Variants in GASK1A observed in about 807,000 individuals in gnomAD.
GASK1A encodes the protein golgi associated kinase 1A, also known as Golgi-associated kinase 1A.
A neutral mutation model predicts 41.2 loss-of-function variants in GASK1A; 40 were observed. The ratio of observed to expected loss-of-function variants is 0.97; its 90% CI spans 0.75 to 1.27. The LOEUF (loss-of-function observed/expected upper bound fraction) is 1.27, where lower values mean the gene tolerates loss of function less well. Among genes scored for constraint, GASK1A ranks in the 50% most tolerant of loss-of-function variants. The probability of loss-of-function intolerance (pLI) is 0.00; values close to 1 mark genes in which losing one functional copy is unlikely to be tolerated. For synonymous variants in GASK1A, 316 were observed against 307.1 expected, an observed-to-expected ratio of 1.03 and a Z score of -0.30; for missense variants, 678 against 745.1, an observed-to-expected ratio of 0.91 and a Z score of 1.05.
At chr3:42,979,680 GT>G in intron 1 of GASK1A, 35 bp downstream of exon 1, 1 of 1,245,950 alleles carries the variant, frequency 8.0e-7, no homozygotes, top group Non-Finnish European at 1.0e-6. Flanking sequence ...CGAGCGGAGG[GT>G]GGGGCGATCA....
Position 43,033,024 on chromosome 3 carries a change from G to C in GASK1A, c.761G>C (p.Gly254Ala). 1 of 1,551,766 alleles carries C rather than the reference G, an allele frequency of 6.4e-7. No homozygotes were observed. Among genetic ancestry groups the C allele is most frequent in the South Asian group, 1.2e-5 (1 of 84,070 alleles). The change falls in exon 2 of 5, where the codon GGT becomes GCT. Residue 254 changes from glycine to alanine, a missense_variant. By Grantham distance (60) the Gly-to-Ala change is moderately conservative (BLOSUM62 0). Transcript: ENST00000430121. ...AETLLSSSRTGGQAPPWLTDH... is the reference protein window; with the variant it reads ...AETLLSSSRTAGQAPPWLTDH... ...ACGCTGTTGAGCAGCTCGAGGACTG[G>C]TGGGCAGGCTCCCCCATGGCTGACA... is the stretch of plus-strand genomic sequence containing the variant.
chr3:43,041,554 C>T (rs1033771865), intron 2 of GASK1A, among the ~76,000 whole-genome samples: 2 of 152,148 alleles, frequency 1.3e-5, no homozygotes, highest in Non-Finnish European at 2.9e-5. Context: ...TCTTTTATTT[C>T]GTTACATGTT....
intron 2 of GASK1A, among the ~76,000 whole-genome samples, chr3:43,042,859 C>A (rs1346626157): frequency 6.6e-6 from 1 of 152,172 alleles, no homozygotes; most frequent in Non-Finnish European, 1.5e-5. Flanking sequence ...GCAGATGAAG[C>A]AGTCTAGGTG....
intron 1 of GASK1A, among the ~76,000 whole-genome samples, chr3:43,021,115 C>T (rs1010149630): frequency 4.6e-5 from 7 of 152,230 alleles, no homozygotes; most frequent in South Asian, 2.1e-4. Flanking sequence ...TCCCCTGCCC[C>T]GCACAGTTCC....
At chr3:42,990,147 G>GACTTTTGTCTATGTTGGGCAACATAA (rs552679525) in intron 1 of GASK1A, among the ~76,000 whole-genome samples, 359 of 152,036 alleles carry the variant, frequency 2.4e-3, no homozygotes, top group African/African-American at 8.3e-3. Context: ...GGGCAACATA[G>GACTTTTGTCTATGTTGGGCAACATAA]ACTTTTGTCT....
rs1230389080 is a variant in GASK1A at position 43,032,863 on chromosome 3, C to T, written c.600C>T (p.Gly200=). 4 of 1,549,558 alleles carry T rather than the reference C, an allele frequency of 2.6e-6. No homozygotes were observed. The highest frequency in any genetic ancestry group is 1.7e-4 in the Middle Eastern group (1 of 5,992). The change falls in exon 2 of 5, where the codon GGC becomes GGT. Residue 200 remains glycine, a synonymous_variant. Coordinates refer to ENST00000430121, the MANE Select transcript of GASK1A (RefSeq NM_001129908.3). ...CACTCTGGCCCCATACAGCAGAAGGCAGGGATCTGCTGGGAGCTGAGAACA... is the reference window on the plus strand; with the variant it reads ...CACTCTGGCCCCATACAGCAGAAGGTAGGGATCTGCTGGGAGCTGAGAACA... ...GLTLWPHTAE[G]RDLLGAENRA... is the part of the protein sequence containing the mutation.
At chr3:42,990,895 G>A (rs977542615) in intron 1 of GASK1A, among the ~76,000 whole-genome samples, 1 of 152,158 alleles carries the variant, frequency 6.6e-6, no homozygotes, top group African/African-American at 2.4e-5. Flanking sequence ...GTAAGGGGCC[G>A]GACCCAAACC....
intron 1 of GASK1A, among the ~76,000 whole-genome samples, chr3:43,021,933 C>T (rs1311827714): frequency 6.6e-6 from 1 of 152,170 alleles, no homozygotes; most frequent in Non-Finnish European, 1.5e-5. Flanking sequence ...AGGGGCTTGA[C>T]AAGGAAGGAG....
rs536119 is a variant in GASK1A, at chr3:43,053,609, A to G, written c.1379A>G (p.Gln460Arg). 904,684 of 1,551,294 alleles carry G rather than the reference A, an allele frequency of 0.58. 267,247 individuals carry two copies. Among genetic ancestry groups the G allele is most frequent in the Admixed American group, 0.69 (34,959 of 50,986 alleles). ...GAAGAGAGGCTCCGAGAGAAATGCCAGAACCCAGCCGAGCTGCGGCTGGTC... is the reference window on the plus strand; with the variant it reads ...GAAGAGAGGCTCCGAGAGAAATGCCGGAACCCAGCCGAGCTGCGGCTGGTC... Reference protein sequence around the residue: ...CVEERLREKCQNPAELRLVHI... With the variant: ...CVEERLREKCRNPAELRLVHI... Residue 460 changes from glutamine to arginine, a missense_variant, in exon 3 of 5, where the codon CAG (glutamine) becomes CGG (arginine). Physicochemically the swap from Gln to Arg is conservative, Grantham distance 43. Coordinates refer to ENST00000430121, the MANE Select transcript of GASK1A (RefSeq NM_001129908.3).
chr3:43,033,158 G>GGT lies in GASK1A; in HGVS notation c.895_896insGT (p.Ala299GlyfsTer22). 1 of 1,550,762 alleles carries GGT rather than the reference G, an allele frequency of 6.4e-7. No homozygotes were observed. The highest frequency in any genetic ancestry group is 8.7e-7 in the Non-Finnish European group (1 of 1,146,368). ...ACAGGTTGGCTTCTCCACTGAGGCTGCCCTTCAGGACCTGTCCTCTCCCAG... is the reference window on the plus strand; with the variant it reads ...ACAGGTTGGCTTCTCCACTGAGGCTGGTCCCTTCAGGACCTGTCCTCTCCCAG... On this transcript the variant is annotated frameshift_variant, in exon 2 of 5. Transcript: ENST00000430121. LOFTEE classifies it high-confidence loss of function.
At chr3:42,980,081 T>C (rs147100759) in intron 1 of GASK1A, among the ~76,000 whole-genome samples, 1,673 of 152,342 alleles carry the variant, frequency 0.011, 12 homozygotes, top group Non-Finnish European at 0.018. Flanking sequence ...TGTATTGATA[T>C]TAAAAATAAT....
chr3:43,007,211 A>C (rs1559399496), intron 1 of GASK1A, among the ~76,000 whole-genome samples: 1 of 152,232 alleles, frequency 6.6e-6, no homozygotes, highest in Non-Finnish European at 1.5e-5. Context: ...TCTGAATTCC[A>C]TACCACTAAG....
intron 1 of GASK1A, among the ~76,000 whole-genome samples, chr3:43,019,788 A>ACC (rs923683476): frequency 1.8e-4 from 26 of 147,932 alleles, no homozygotes; most frequent in Non-Finnish European, 3.0e-4. Flanking sequence ...ACACACACAC[A>ACC]CCCCATCACA....
intron 1 of GASK1A, among the ~76,000 whole-genome samples, 165 bp from the exon 2 acceptor site, chr3:43,032,102 G>A (rs1299460962): frequency 1.3e-5 from 2 of 152,216 alleles, no homozygotes; most frequent in Non-Finnish European, 2.9e-5. Flanking sequence ...GGCTGGAGTT[G>A]ACATTTCCTT....
intron 1 of GASK1A, among the ~76,000 whole-genome samples, chr3:43,031,526 TG>T (rs916105790): frequency 7.9e-5 from 12 of 152,204 alleles, no homozygotes; most frequent in African/African-American, 2.9e-4. Flanking sequence ...TTGACTGAAG[TG>T]TGCATAGAAT....
Position 42,979,611 on chromosome 3 carries a change from G to T in GASK1A, c.-32G>T. On this transcript the variant is annotated 5_prime_UTR_variant, in exon 1 of 5. Transcript: ENST00000430121. ...ATGAGTCTGCGAGCCGGCTGAGCGC[G>T]CCGAGGAGCCGGCCGGGGCACCGCC... is the stretch of plus-strand genomic sequence containing the variant. 1 of 1,242,092 alleles carries T rather than the reference G, an allele frequency of 8.1e-7. No individual in the cohort carries two copies. The allele number at this position is 1,242,092 out of a possible 1,614,324, so 76.9% of individuals were successfully genotyped here. A position where few individuals can be genotyped will look rare whatever the true frequency, so the allele number is the denominator to read the frequency against.
intron 1 of GASK1A, 69 bp from the exon 2 acceptor site, chr3:43,032,198 C>T (rs2089578805): frequency 1.6e-6 from 2 of 1,253,226 alleles, no homozygotes; most frequent in Non-Finnish European, 2.2e-6. Flanking sequence ...CTTACCATCC[C>T]CATTGTTTTG....
At chr3:43,000,086 G>A (rs2089401184) in intron 1 of GASK1A, among the ~76,000 whole-genome samples, 2 of 152,196 alleles carry the variant, frequency 1.3e-5, no homozygotes, top group Non-Finnish European at 2.9e-5. Context: ...AGGTCCCAGA[G>A]ATTAGGGCCT....
Position 43,056,467 on chromosome 3 carries a change from G to T in GASK1A, c.*81G>T. The T allele has an allele frequency of 7.9e-7, 1 of 1,271,180 alleles. No homozygotes were observed. 78.7% of individuals were successfully genotyped at this position (1,271,180 alleles called of 1,614,324 possible). On this transcript the variant is annotated 3_prime_UTR_variant, in exon 5 of 5. Transcript: ENST00000430121. ...GCTCACTCATCTTGAGGACAAATGGGAAAAGCCAGAAGCCAGAGGGGCACA... is the reference window on the plus strand; with the variant it reads ...GCTCACTCATCTTGAGGACAAATGGTAAAAGCCAGAAGCCAGAGGGGCACA...
Sources: allele counts gnomAD v4.1 joint callset (sites outside exome capture counted in the v4.1 genomes callset), GRCh38; gene constraint gnomAD v4.1.1; transcripts MANE v1.5; gene names NCBI Gene and HGNC (gene_info 2026-07-23, HGNC 2026-07-21).